Variants in TLE4 observed in about 807,000 individuals in gnomAD.
TLE4 encodes the protein transducin-like enhancer protein 4.
Under a neutral mutation model 92.8 loss-of-function variants are expected in TLE4, and 8 were observed. The ratio of observed to expected loss-of-function variants is 0.09; its 90% CI spans 0.05 to 0.16. The LOEUF is 0.16. TLE4 is among the 10% of genes least tolerant of loss of function. The pLI, the probability that TLE4 is intolerant of heterozygous loss-of-function variation, is 1.00. For missense variants in TLE4, 675 were observed against 997.6 expected, an observed-to-expected ratio of 0.68 and a Z score of 4.36; for synonymous variants, 371 against 374.1, an observed-to-expected ratio of 0.99 and a Z score of 0.10.
At position 79,574,947 on chromosome 9, in the gene TLE4, C is replaced by T; in HGVS notation, c.207+11C>T. ...CGGCATTATGTCATGGTAAGAAAAC[C>T]ATGTCACAGATTCAAAGTGCCTATT... On this transcript the variant is annotated intron_variant, in intron 3 of 19. Transcript: ENST00000376552. The T allele has an allele frequency of 6.2e-7, 1 of 1,611,910 alleles. No individual in the cohort carries two copies. The highest frequency in any genetic ancestry group is 8.5e-7 in the Non-Finnish European group (1 of 1,178,334).
Position 79,722,966 on chromosome 9 carries a change from G to T in TLE4, c.2145G>T (p.Trp715Cys). The T allele has an allele frequency of 1.2e-6, 2 of 1,614,186 alleles. No homozygotes were observed. Among genetic ancestry groups the T allele is most frequent in the South Asian group, 2.2e-5 (2 of 91,084 alleles). ...LSLKFAHCGKWFVSTGKDNLL... is the reference protein window; with the variant it reads ...LSLKFAHCGKCFVSTGKDNLL... ...AAAACCCTTTACCTATAGGCAAATG[G>T]TTTGTAAGCACTGGAAAGGACAACC... The change falls in exon 19 of 20, where the codon TGG becomes TGT. Residue 715 changes from tryptophan (W) to cysteine (C), a missense_variant. Around this residue, in one of 5 missense-constraint regions of TLE4, gnomAD observed 170 missense variants for 359.6 expected, o/e 0.47. Coordinates refer to ENST00000376552, the MANE Select transcript of TLE4 (RefSeq NM_007005.6).
At chr9:79,595,457 G>A (rs555729600) in intron 4 of TLE4, among the ~76,000 whole-genome samples, 5 of 152,156 alleles carry the variant, frequency 3.3e-5, no homozygotes, top group South Asian at 2.1e-4. Context: ...TGAACTAAAC[G>A]TAGTTAACCG....
intron 8 of TLE4, among the ~76,000 whole-genome samples, chr9:79,662,621 T>G (rs1352056860): frequency 6.6e-6 from 1 of 152,182 alleles, no homozygotes; most frequent in East Asian, 1.9e-4. Flanking sequence ...AAGATATGCC[T>G]GAACTAGAAG....
chr9:79,703,446 G>C (rs532719956), intron 8 of TLE4, among the ~76,000 whole-genome samples: 37 of 152,298 alleles, frequency 2.4e-4, no homozygotes, highest in African/African-American at 7.5e-4. Flanking sequence ...CTAGGCAGTT[G>C]TTAAGATTGT....
In TLE4 at chr9:79,573,704, G is replaced by T; in HGVS notation, c.61G>T (p.Ala21Ser). ...TGTTCTTCAGGCACCGCATCAGCCTGCTCAACCCTTTAAATTTACAATTTC... is the reference window on the plus strand; with the variant it reads ...TGTTCTTCAGGCACCGCATCAGCCTTCTCAACCCTTTAAATTTACAATTTC... ...QTRHPAPHQPAQPFKFTISES... is the reference protein window; with the variant it reads ...QTRHPAPHQPSQPFKFTISES... The change falls in exon 2 of 20, where the codon GCT becomes TCT. Residue 21 changes from alanine to serine, a missense_variant. By Grantham distance (99) the Ala-to-Ser change is moderately conservative (BLOSUM62 1). Transcript: ENST00000376552. The T allele has an allele frequency of 6.2e-7, 1 of 1,605,908 alleles. No homozygotes were observed. Among genetic ancestry groups the T allele is most frequent in the Middle Eastern group, 1.7e-4 (1 of 6,022 alleles).
At chr9:79,653,517 T>G (rs1330201327) in intron 7 of TLE4, among the ~76,000 whole-genome samples, 29 of 152,222 alleles carry the variant, frequency 1.9e-4, no homozygotes. Flanking sequence ...TGATAATTTT[T>G]ATTAGTTGAT....
chr9:79,712,533 AC>A (rs1282323042), intron 14 of TLE4, among the ~76,000 whole-genome samples: 1 of 152,228 alleles, frequency 6.6e-6, no homozygotes, highest in Non-Finnish European at 1.5e-5. Flanking sequence ...CCACAATGTA[AC>A]TACCTTTCTC....
At chr9:79,573,842 C>T in intron 2 of TLE4, 56 bp downstream of exon 2, 1 of 1,283,870 alleles carries the variant, frequency 7.8e-7, no homozygotes, top group African/African-American at 1.5e-5. Context: ...GTCTCCCCGA[C>T]AAATACACAC....
At chr9:79,655,584 T>G (rs958596813) in intron 8 of TLE4, among the ~76,000 whole-genome samples, 2 of 152,230 alleles carry the variant, frequency 1.3e-5, no homozygotes, top group African/African-American at 2.4e-5. Flanking sequence ...CTGAACACAT[T>G]GAATTATTTA....
At chr9:79,605,273 A>G (rs561507053) in intron 4 of TLE4, among the ~76,000 whole-genome samples, 5 of 151,898 alleles carry the variant, frequency 3.3e-5, no homozygotes, top group South Asian at 2.1e-4. Context: ...CTTCCTTTCT[A>G]TTTTCCCTGC....
chr9:79,581,810 T>TA (rs1193798722), intron 4 of TLE4, among the ~76,000 whole-genome samples: 2 of 152,180 alleles, frequency 1.3e-5, no homozygotes, highest in Non-Finnish European at 2.9e-5. Flanking sequence ...CCCTGAACTT[T>TA]AGGCTCATAC....
intron 4 of TLE4, among the ~76,000 whole-genome samples, chr9:79,588,304 C>T (rs186464844): frequency 7.2e-4 from 110 of 152,156 alleles, no homozygotes; most frequent in African/African-American, 2.5e-3. Flanking sequence ...CACACCACCA[C>T]TCGCAGCTAA....
At chr9:79,644,991 G>C (rs2057858444) in intron 6 of TLE4, among the ~76,000 whole-genome samples, 1 of 152,144 alleles carries the variant, frequency 6.6e-6, no homozygotes. Context: ...CTTGGCCCCA[G>C]AGTGCCCTAC....
chr9:79,594,819 G>C (rs187902621), intron 4 of TLE4, among the ~76,000 whole-genome samples: 1 of 152,250 alleles, frequency 6.6e-6, no homozygotes, highest in African/African-American at 2.4e-5. Flanking sequence ...TTGTTCTCAT[G>C]CATGTACATT....
In TLE4 at chr9:79,709,742, A is replaced by T. The variant is rs770022137; in HGVS notation, c.1340+43A>T. 3.8e-6 allele frequency: 6 copies of T among 1,578,074 alleles called. No homozygotes were observed. The African/African-American group carries it at 8.1e-5, about 21-fold the overall frequency. On this transcript the variant is annotated intron_variant, in intron 14 of 19. Coordinates refer to ENST00000376552, the MANE Select transcript of TLE4 (RefSeq NM_007005.6). ...TCTGTGCTCATTGTGTGTCAAACTCAGGTCCCTTGCTGGCCCCGTAGACTT... is the reference window on the plus strand; with the variant it reads ...TCTGTGCTCATTGTGTGTCAAACTCTGGTCCCTTGCTGGCCCCGTAGACTT...
chr9:79,581,937 C>G (rs998463568), intron 4 of TLE4, among the ~76,000 whole-genome samples: 2 of 152,102 alleles, frequency 1.3e-5, no homozygotes, highest in African/African-American at 2.4e-5. Flanking sequence ...TGCTTTCACT[C>G]GGAATCTCCC....
chr9:79,632,980 A>G (rs2054709810), intron 6 of TLE4, among the ~76,000 whole-genome samples: 1 of 152,180 alleles, frequency 6.6e-6, no homozygotes, highest in African/African-American at 2.4e-5. Flanking sequence ...TGGCAGGAAC[A>G]CCAAAGCAGT....
intron 1 of TLE4, 87 bp from the exon 2 acceptor site, chr9:79,573,602 C>G: frequency 8.8e-7 from 1 of 1,134,722 alleles, no homozygotes; most frequent in South Asian, 1.7e-5. Context: ...ACCCTCACCC[C>G]CCGCTAACGC....
chr9:79,572,777 C>T lies in TLE4; in HGVS notation c.-14C>T. 1 of 1,599,488 alleles carries T rather than the reference C, an allele frequency of 6.3e-7. No homozygotes were observed. The highest frequency in any genetic ancestry group is 2.3e-5 in the East Asian group (1 of 43,422). On this transcript the variant is annotated 5_prime_UTR_variant, in exon 1 of 20. Coordinates refer to ENST00000376552, the MANE Select transcript of TLE4 (RefSeq NM_007005.6). ...GCGCGCCTCTGCCGAGCGCAGCCAA[C>T]TAAATCGGCTTGGATGATTCGCGAC...
Sources: allele counts gnomAD v4.1 joint callset (sites outside exome capture counted in the v4.1 genomes callset), GRCh38; gene constraint gnomAD v4.1.1; regional missense constraint gnomAD v4.1.1; transcripts MANE v1.5; gene names NCBI Gene and HGNC (gene_info 2026-07-23, HGNC 2026-07-21).